Variants in CREBBP observed in about 807,000 individuals in gnomAD.
The protein encoded by CREBBP is CREB-binding protein.
In CREBBP, 19 loss-of-function variants were observed where a neutral mutation model predicts 265.0. The observed-to-expected ratio is 0.07, with a 90% confidence interval of 0.05 to 0.11. The LOEUF (loss-of-function observed/expected upper bound fraction) is 0.11, where lower values mean the gene tolerates loss of function less well. Ranked by LOEUF, CREBBP falls within the 10% of genes least tolerant of loss-of-function variation. The pLI is 1.00. For synonymous variants in CREBBP, 1,457 were observed against 1,223.7 expected (o/e 1.19, Z -3.98); for missense variants, 2,525 against 3,219.0 (o/e 0.78, Z 5.22).
chr16:3,852,551 T>C (rs772987746), intron 1 of CREBBP, among the ~76,000 whole-genome samples: 15 of 152,156 alleles, frequency 9.9e-5, no homozygotes, highest in Admixed American at 4.6e-4. Context: ...TTAAAAGTGT[T>C]GAAGCTGCAG....
intron 6 of CREBBP, 74 bp downstream of exon 6, chr16:3,782,610 C>T (rs1035179118): frequency 1.5e-5 from 23 of 1,564,548 alleles, no homozygotes; most frequent in Middle Eastern, 2.1e-4. Flanking sequence ...TGAAAACTGC[C>T]TTGGGTTCCA....
intron 2 of CREBBP, among the ~76,000 whole-genome samples, chr16:3,846,476 T>A (rs2054670072): frequency 6.6e-6 from 1 of 152,238 alleles, no homozygotes. Flanking sequence ...GCAGATATGG[T>A]CACTCAGCTG....
intron 2 of CREBBP, among the ~76,000 whole-genome samples, chr16:3,830,978 A>G (rs1385088651): frequency 6.6e-6 from 1 of 152,178 alleles, no homozygotes; most frequent in Non-Finnish European, 1.5e-5. Context: ...TAGTAGAGAC[A>G]GGTTTCACCA....
In CREBBP at chr16:3,738,662, T is replaced by C. The variant is rs1486941702; in HGVS notation, c.4291A>G (p.Ile1431Val). Residue 1431 changes from isoleucine to valine, a missense_variant, in exon 26 of 31, where the codon ATT (isoleucine) becomes GTT (valine). This residue lies in a region of CREBBP where 252 missense variants were observed against 452.5 expected (regional missense o/e 0.56). Transcript: ENST00000262367. ...AAATGAATACTATCCAGATAAGAAA[T>C]GTACACACGCCTGTGGGAAGGAGGC... Reference protein sequence around the residue: ...CPPPNTRRVYISYLDSIHFFR... With the variant: ...CPPPNTRRVYVSYLDSIHFFR... 4 of 1,611,012 alleles carry C rather than the reference T, an allele frequency of 2.5e-6. No homozygotes were observed. Among genetic ancestry groups the C allele is most frequent in the Non-Finnish European group, 3.4e-6 (4 of 1,177,542 alleles).
chr16:3,732,407 T>A (rs1185078465), intron 28 of CREBBP, among the ~76,000 whole-genome samples: 2 of 152,104 alleles, frequency 1.3e-5, no homozygotes, highest in Non-Finnish European at 2.9e-5. Flanking sequence ...CTGAGGCCCC[T>A]GCGGGGTCCA....
intron 15 of CREBBP, among the ~76,000 whole-genome samples, chr16:3,768,142 T>TG (rs2052907052): frequency 9.2e-5 from 9 of 97,378 alleles, no homozygotes; most frequent in African/African-American, 5.1e-4. Flanking sequence ...AAGTGTTTTT[T>TG]TTTTTTTTTT....
chr16:3,871,234 C>T (rs1329659942), intron 1 of CREBBP, among the ~76,000 whole-genome samples: 1 of 150,484 alleles, frequency 6.6e-6, no homozygotes, highest in Non-Finnish European at 1.5e-5. Context: ...CACACACACA[C>T]CCCACCCTGC....
intron 1 of CREBBP, among the ~76,000 whole-genome samples, chr16:3,861,342 A>T (rs559627306): frequency 3.9e-5 from 6 of 152,354 alleles, no homozygotes; most frequent in African/African-American, 1.4e-4. Flanking sequence ...GAAAGAATTA[A>T]ACCATACAGC....
intron 1 of CREBBP, among the ~76,000 whole-genome samples, chr16:3,851,347 C>T (rs542747927): frequency 2.8e-3 from 290 of 102,380 alleles, no homozygotes; most frequent in Non-Finnish European, 5.2e-3. Context: ...AAATGATTTA[C>T]AAGTTTGTTT....
At chr16:3,863,775 G>C (rs1242565903) in intron 1 of CREBBP, among the ~76,000 whole-genome samples, 1 of 152,156 alleles carries the variant, frequency 6.6e-6, no homozygotes, top group Non-Finnish European at 1.5e-5. Flanking sequence ...TCCTCAACAT[G>C]GTTTGCGTGC....
rs1192484779 is a variant in CREBBP, at chr16:3,803,260, C to CGGGGGGGGGGGGG, written c.975+7342_975+7343insCCCCCCCCCCCCC. Among the ~76,000 whole-genome samples the CGGGGGGGGGGGGG allele has an allele frequency of 2.4e-4, 2 of 8,452 alleles. 1 individual carries two copies. The allele number at this position is 8,452 out of a possible 152,430, so 5.5% of individuals were successfully genotyped here. On this transcript the variant is annotated intron_variant, in intron 3 of 30. Coordinates refer to ENST00000262367, the MANE Select transcript of CREBBP (RefSeq NM_004380.3). ...TCCCAGCACTTTGGGAGGCTGACGG[C>CGGGGGGGGGGGGG]GGGGAGGGGGGGGGGGGGGGTGGAT...
chr16:3,734,736 C>CGT (rs1001346155), intron 28 of CREBBP, among the ~76,000 whole-genome samples: 18 of 152,096 alleles, frequency 1.2e-4, no homozygotes, highest in African/African-American at 4.1e-4. Context: ...TCTGGGGCGC[C>CGT]GTCCAGCAGG....
Position 3,731,410 on chromosome 16 carries a change from G to A in CREBBP, c.4954C>T (p.Pro1652Ser). Residue 1652 changes from proline to serine, a missense_variant, in exon 30 of 31, where the codon CCC (proline) becomes TCC (serine). Coordinates refer to ENST00000262367, the MANE Select transcript of CREBBP (RefSeq NM_004380.3). This position sits in a 1 kb window ranked among gnomAD's most constrained non-coding sequence, Gnocchi z 7.7. ...VINTLPPIVD[P>S]DPLLSCDLMD... ...AGGTCACAGCTGAGCAGGGGGTCGG[G>A]GTCGACGATGGGGGGCAGGGTGTTG... 2 of 1,606,804 alleles carry A rather than the reference G, an allele frequency of 1.2e-6. No individual in the cohort carries two copies. The highest frequency in any genetic ancestry group is 1.7e-6 in the Non-Finnish European group (2 of 1,177,180).
At chr16:3,788,261 G>C (rs988200240) in intron 5 of CREBBP, among the ~76,000 whole-genome samples, 2 of 152,242 alleles carry the variant, frequency 1.3e-5, no homozygotes, top group African/African-American at 2.4e-5. Context: ...AAGGCATCCA[G>C]AGCAGTGCAT....
intron 30 of CREBBP, 140 bp from the exon 31 acceptor site, chr16:3,730,014 G>A (rs2051869286): frequency 4.3e-6 from 6 of 1,409,702 alleles, no homozygotes; most frequent in Middle Eastern, 2.3e-4. Context: ...CAGGATGCGA[G>A]CACGGACAGG....
chr16:3,849,848 C>T (rs2054789606), intron 2 of CREBBP, among the ~76,000 whole-genome samples: 2 of 152,094 alleles, frequency 1.3e-5, no homozygotes, highest in African/African-American at 2.4e-5. Context: ...TGCTTCTCCC[C>T]GGCTCTGCCA....
intron 21 of CREBBP, among the ~76,000 whole-genome samples, chr16:3,748,860 A>G (rs1228309826): frequency 6.6e-6 from 1 of 152,202 alleles, no homozygotes; most frequent in Non-Finnish European, 1.5e-5. Flanking sequence ...AAAGTGCTTA[A>G]CAGGGCCGGG....
intron 1 of CREBBP, among the ~76,000 whole-genome samples, chr16:3,866,250 A>G (rs2055177238): frequency 6.6e-6 from 1 of 152,222 alleles, no homozygotes; most frequent in Admixed American, 6.5e-5. Context: ...GAAATCTGAC[A>G]TTATTTCAAA....
chr16:3,827,486 G>A (rs2054260524), intron 2 of CREBBP, among the ~76,000 whole-genome samples: 2 of 152,084 alleles, frequency 1.3e-5, no homozygotes, highest in Admixed American at 6.6e-5. Context: ...CCCCCTTCCA[G>A]GTTCACGAGA....
Sources: allele counts gnomAD v4.1 joint callset (sites outside exome capture counted in the v4.1 genomes callset), GRCh38; gene constraint gnomAD v4.1.1; regional missense constraint gnomAD v4.1.1; non-coding constraint Gnocchi (gnomAD v3.1); transcripts MANE v1.5; gene names NCBI Gene and HGNC (gene_info 2026-07-23, HGNC 2026-07-21).